Variants in TAS2R1 observed in about 807,000 individuals in gnomAD.
TAS2R1 encodes the protein taste 2 receptor member 1.
For missense variants in TAS2R1, 370 were observed against 353.4 expected, an observed-to-expected ratio of 1.05 and a Z score of -0.38; for synonymous variants, 141 against 134.2, an observed-to-expected ratio of 1.05 and a Z score of -0.35.
At chr5:9,668,483 A>G (rs1740684586) in intron 1 of TAS2R1, among the ~76,000 whole-genome samples, 1 of 152,184 alleles carries the variant, frequency 6.6e-6, no homozygotes, top group African/African-American at 2.4e-5. Flanking sequence ...TCAAAATGAA[A>G]GAAAAAAATG....
chr5:9,754,354 G>C, the TAS2R1 span, among the ~76,000 whole-genome samples: 2 of 152,146 alleles, frequency 1.3e-5, no homozygotes, highest in African/African-American at 2.4e-5. Context: ...GCACAAGACA[G>C]GGATGCCCTC....
intron 2 of TAS2R1, among the ~76,000 whole-genome samples, chr5:9,640,106 T>C (rs1404149712): frequency 6.6e-6 from 1 of 152,186 alleles, no homozygotes; most frequent in Non-Finnish European, 1.5e-5. Context: ...GACAGGCAAC[T>C]CTTCCTTTCA....
chr5:9,889,409 T>C, the TAS2R1 span, among the ~76,000 whole-genome samples: 4 of 152,178 alleles, frequency 2.6e-5, no homozygotes, highest in Non-Finnish European at 5.9e-5. Flanking sequence ...GGACCACACA[T>C]GCACAGGGTA....
the TAS2R1 span, among the ~76,000 whole-genome samples, chr5:9,765,171 A>G: frequency 6.6e-5 from 10 of 152,152 alleles, no homozygotes; most frequent in East Asian, 1.9e-4. Context: ...AAATTTCTCT[A>G]CACTGAGCAG....
At chr5:9,683,322 G>A (rs1177668633) in intron 1 of TAS2R1, among the ~76,000 whole-genome samples, 1 of 152,138 alleles carries the variant, frequency 6.6e-6, no homozygotes, top group Non-Finnish European at 1.5e-5. Flanking sequence ...TAAGGTCCAT[G>A]TGTGTATTAC....
At chr5:9,853,573 C>T in the TAS2R1 span, among the ~76,000 whole-genome samples, 2 of 152,096 alleles carry the variant, frequency 1.3e-5, no homozygotes, top group African/African-American at 4.8e-5. Flanking sequence ...ACTTTGGGTG[C>T]CTCTTCCCTG....
chr5:9,677,325 G>A (rs1740896457), intron 1 of TAS2R1, among the ~76,000 whole-genome samples: 1 of 152,012 alleles, frequency 6.6e-6, no homozygotes, highest in Admixed American at 6.6e-5. Context: ...ATACCTGGGT[G>A]ATGAAATAAT....
the TAS2R1 span, among the ~76,000 whole-genome samples, chr5:9,781,433 T>G: frequency 3.9e-5 from 6 of 152,204 alleles, no homozygotes; most frequent in Admixed American, 3.3e-4. Flanking sequence ...GCTTCTGCCC[T>G]TGTGTGCTGG....
intron 1 of TAS2R1, among the ~76,000 whole-genome samples, chr5:9,700,072 T>C (rs558374518): frequency 6.6e-6 from 1 of 152,330 alleles, no homozygotes; most frequent in South Asian, 2.1e-4. Context: ...TATGCCAATG[T>C]GTGAAAAACA....
the TAS2R1 span, among the ~76,000 whole-genome samples, chr5:9,786,945 C>A: frequency 1.3e-5 from 2 of 152,292 alleles, no homozygotes; most frequent in South Asian, 4.1e-4. Context: ...TCCCCTCTCC[C>A]AGGAATCTTT....
chr5:9,745,782 G>A, the TAS2R1 span, among the ~76,000 whole-genome samples: 1 of 152,144 alleles, frequency 6.6e-6, no homozygotes. Context: ...GTAGATTTAA[G>A]ACTTAAATGT....
chr5:9,703,436 C>T (rs768002588), intron 1 of TAS2R1, among the ~76,000 whole-genome samples: 2 of 152,066 alleles, frequency 1.3e-5, no homozygotes, highest in Non-Finnish European at 2.9e-5. Flanking sequence ...GGAGTTGTTC[C>T]AGGGAGCCTG....
At chr5:9,834,914 T>C in the TAS2R1 span, among the ~76,000 whole-genome samples, 93 of 152,276 alleles carry the variant, frequency 6.1e-4, no homozygotes, top group Middle Eastern at 3.4e-3. Flanking sequence ...ACTGCTGCTT[T>C]CACAATCATA....
At chr5:9,889,126 T>G in the TAS2R1 span, among the ~76,000 whole-genome samples, 1 of 152,164 alleles carries the variant, frequency 6.6e-6, no homozygotes, top group Non-Finnish European at 1.5e-5. Context: ...GTATTAGATT[T>G]AATAAGCAGC....
In TAS2R1 at chr5:9,681,531, C is replaced by CAAAAAAAAA. The variant is rs10681888; in HGVS notation, c.-241-21959_-241-21951dup. 7.7e-4 allele frequency among the ~76,000 whole-genome samples: 68 copies of CAAAAAAAAA among 87,856 alleles called. 1 individual carries two copies. The highest frequency in any genetic ancestry group is 3.4e-3 in the South Asian group (7 of 2,088). 57.6% of individuals were successfully genotyped at this position (87,856 alleles called of 152,430 possible). On this transcript the variant is annotated intron_variant, in intron 1 of 2. Transcript: ENST00000506620. The stretch of plus-strand genomic sequence containing the variant: ...TTTCAGGGGACTTCTCATGTTTCTG[C>CAAAAAAAAA]AAAAAAAAAAAAAAAAAAAGATGCC...
intron 1 of TAS2R1, among the ~76,000 whole-genome samples, chr5:9,704,025 G>T (rs1273198574): frequency 6.6e-5 from 10 of 152,096 alleles, no homozygotes; most frequent in Non-Finnish European, 1.0e-4. Flanking sequence ...ATATTAATTT[G>T]CCCTGGATCC....
chr5:9,767,444 T>A, the TAS2R1 span, among the ~76,000 whole-genome samples: 1 of 152,034 alleles, frequency 6.6e-6, no homozygotes, highest in East Asian at 1.9e-4. Flanking sequence ...CTGAGTCAAA[T>A]CTATGTGGCT....
At chr5:9,870,889 G>T in the TAS2R1 span, among the ~76,000 whole-genome samples, 1 of 152,152 alleles carries the variant, frequency 6.6e-6, no homozygotes, top group Admixed American at 6.5e-5. Flanking sequence ...AAAATGTCAT[G>T]AAAGCAAACT....
At chr5:9,838,395 C>T in the TAS2R1 span, among the ~76,000 whole-genome samples, 12 of 152,126 alleles carry the variant, frequency 7.9e-5, no homozygotes, top group South Asian at 2.1e-4. Context: ...GAATAGAATA[C>T]GCCTCTTAAA....
Sources: gnomAD v4.1 joint callset for allele counts (sites outside exome capture counted in the v4.1 genomes callset) on GRCh38, gnomAD v4.1.1 for gene constraint, MANE v1.5 for transcripts, NCBI Gene and HGNC (gene_info 2026-07-23, HGNC 2026-07-21) for gene names.